Variants in MAGI3 observed in about 807,000 individuals in gnomAD.
The protein encoded by MAGI3 is membrane-associated guanylate kinase, WW and PDZ domain-containing protein 3.
In MAGI3, 43 loss-of-function variants were observed where a neutral mutation model predicts 121.8. That is an observed-to-expected ratio of 0.35 (90% CI 0.28 to 0.46). The LOEUF is 0.46. Among genes scored for constraint, MAGI3 ranks in the 20% least tolerant of loss-of-function variants. The pLI is 1.00. For missense variants in MAGI3, 1,547 were observed against 1,797.3 expected (o/e 0.86, Z 2.52); for synonymous variants, 553 against 639.3 (o/e 0.86, Z 2.04).
chr1:113,625,055 G>A (rs936820334), intron 9 of MAGI3, among the ~76,000 whole-genome samples: 5 of 152,116 alleles, frequency 3.3e-5, no homozygotes, highest in African/African-American at 9.7e-5. Flanking sequence ...TGGTCTATGT[G>A]TCTGTTTTTA....
intron 11 of MAGI3, 28 bp from the exon 12 acceptor site, chr1:113,646,458 T>C (rs1408923663): frequency 3.2e-6 from 5 of 1,557,606 alleles, no homozygotes; most frequent in Non-Finnish European, 4.3e-6. Flanking sequence ...TTTTAAAAAA[T>C]ACTAAGTAAG....
At chr1:113,492,807 A>G (rs1172748181) in intron 1 of MAGI3, among the ~76,000 whole-genome samples, 2 of 152,196 alleles carry the variant, frequency 1.3e-5, no homozygotes, top group African/African-American at 2.4e-5. Context: ...TGCCACAAAA[A>G]GAATAAATAC....
intron 9 of MAGI3, among the ~76,000 whole-genome samples, chr1:113,628,726 A>G (rs1182537608): frequency 6.6e-6 from 1 of 152,172 alleles, no homozygotes; most frequent in African/African-American, 2.4e-5. Flanking sequence ...AGCACTTTAA[A>G]TATGTCATGC....
intron 9 of MAGI3, among the ~76,000 whole-genome samples, chr1:113,627,297 T>C (rs944334248): frequency 2.6e-5 from 4 of 152,116 alleles, no homozygotes; most frequent in South Asian, 2.1e-4. Flanking sequence ...GAGAAGATAC[T>C]TGATATAATT....
chr1:113,662,765 T>C (rs1446116742), intron 16 of MAGI3, among the ~76,000 whole-genome samples: 1 of 152,228 alleles, frequency 6.6e-6, no homozygotes, highest in Non-Finnish European at 1.5e-5. Flanking sequence ...GTAAATGTTA[T>C]GGATTTTACA....
At chr1:113,407,049 A>G (rs1260801988) in intron 1 of MAGI3, among the ~76,000 whole-genome samples, 2 of 152,178 alleles carry the variant, frequency 1.3e-5, no homozygotes, top group Non-Finnish European at 2.9e-5. Context: ...GGTGAAAGTG[A>G]GAGGGATCAG....
intron 1 of MAGI3, among the ~76,000 whole-genome samples, chr1:113,448,184 A>C (rs1418733662): frequency 6.6e-6 from 1 of 152,212 alleles, no homozygotes; most frequent in East Asian, 1.9e-4. Flanking sequence ...CTAGGCTGAA[A>C]GTCATATCTG....
intron 1 of MAGI3, among the ~76,000 whole-genome samples, chr1:113,416,242 A>AATTG (rs1557744275): frequency 8.2e-6 from 1 of 121,618 alleles, no homozygotes; most frequent in Admixed American, 8.9e-5. Flanking sequence ...CATATTAATT[A>AATTG]TGTAATTAAT....
In MAGI3 at chr1:113,683,306, C is replaced by A; in HGVS notation, c.3738C>A (p.Asn1246Lys). 6.2e-7 allele frequency: 1 copy of A among 1,612,682 alleles called. No individual in the cohort carries two copies. The highest frequency in any genetic ancestry group is 1.7e-5 in the Admixed American group (1 of 59,672). Residue 1246 changes from asparagine to lysine, a missense_variant, in exon 21 of 21, where the codon AAC becomes AAA. Asn to Lys is a moderately conservative substitution (Grantham distance 94). Coordinates refer to ENST00000307546, the MANE Select transcript of MAGI3 (RefSeq NM_001142782.2). ...AGATTCCTAGTCCTCTAAAAAATAA[C>A]CCCAAAAGAAGACCCAGAGATCAAT... ...LDKIPSPLKNNPKRRPRDQSL... is the reference protein window; with the variant it reads ...LDKIPSPLKNKPKRRPRDQSL...
intron 16 of MAGI3, among the ~76,000 whole-genome samples, chr1:113,669,173 A>G (rs540369478): frequency 6.6e-6 from 1 of 152,372 alleles, no homozygotes; most frequent in South Asian, 2.1e-4. Flanking sequence ...ACAGCGACCG[A>G]AGACAATCGA....
chr1:113,554,985 T>C (rs1036347985), intron 2 of MAGI3, among the ~76,000 whole-genome samples: 2 of 151,658 alleles, frequency 1.3e-5, no homozygotes, highest in East Asian at 3.9e-4. Context: ...AAAATAAAAA[T>C]TTTTGAAAAA....
chr1:113,423,576 T>G (rs937409208), intron 1 of MAGI3, among the ~76,000 whole-genome samples: 1 of 152,092 alleles, frequency 6.6e-6, no homozygotes, highest in African/African-American at 2.4e-5. Flanking sequence ...CTGCTGAGTC[T>G]GGGGGTTTTT....
intron 1 of MAGI3, among the ~76,000 whole-genome samples, chr1:113,466,697 A>G (rs1655307745): frequency 6.6e-6 from 1 of 152,042 alleles, no homozygotes; most frequent in South Asian, 2.1e-4. Context: ...TCATGGGTCA[A>G]TATTGGTAGG....
chr1:113,452,417 T>C (rs750819930), intron 1 of MAGI3, among the ~76,000 whole-genome samples: 11 of 151,690 alleles, frequency 7.3e-5, no homozygotes, highest in Non-Finnish European at 1.6e-4. Context: ...CAAGTATTTA[T>C]GTGTTAATTT....
In MAGI3 at chr1:113,604,006, A is replaced by G. The variant is rs560631863; in HGVS notation, c.1018+9446A>G. On this transcript the variant is annotated intron_variant, in intron 6 of 20. Transcript: ENST00000307546. Reference sequence around the variant, plus strand: ...AATAGATGTTGGCATGGGTGCAGTGAAAAGAGAACACTTATACACTGCTGG... The same window carrying G: ...AATAGATGTTGGCATGGGTGCAGTGGAAAGAGAACACTTATACACTGCTGG... Among the ~76,000 whole-genome samples, 4 of 152,322 alleles carry G rather than the reference A, an allele frequency of 2.6e-5. No individual in the cohort carries two copies. In the East Asian group the frequency reaches 7.7e-4, roughly 29 times the overall value.
At chr1:113,412,588 C>T (rs1208904332) in intron 1 of MAGI3, among the ~76,000 whole-genome samples, 2 of 152,154 alleles carry the variant, frequency 1.3e-5, no homozygotes, top group Admixed American at 1.3e-4. Flanking sequence ...GATGGTATCT[C>T]ATTCTGGTTT....
At chr1:113,469,465 A>T (rs186213345) in intron 1 of MAGI3, among the ~76,000 whole-genome samples, 3 of 151,784 alleles carry the variant, frequency 2.0e-5, no homozygotes, top group African/African-American at 7.2e-5. Flanking sequence ...AGGCCTTACA[A>T]TCTGCTTTTA....
At chr1:113,580,798 T>G (rs1286370645) in intron 3 of MAGI3, 137 bp downstream of exon 3, 1 of 656,406 alleles carries the variant, frequency 1.5e-6, no homozygotes, top group African/African-American at 1.9e-5. Flanking sequence ...AATTTTCTTT[T>G]GATGGGGAGA....
chr1:113,670,003 CAA>C (rs11302295), intron 16 of MAGI3, among the ~76,000 whole-genome samples: 329 of 85,224 alleles, frequency 3.9e-3, no homozygotes, highest in Middle Eastern at 0.028. Flanking sequence ...TCCAGGTCTC[CAA>C]AAAAAAAAAA....
Sources: allele counts gnomAD v4.1 joint callset (sites outside exome capture counted in the v4.1 genomes callset), GRCh38; gene constraint gnomAD v4.1.1; transcripts MANE v1.5; gene names NCBI Gene and HGNC (gene_info 2026-07-23, HGNC 2026-07-21).